The following ANAPC10 variants were observed in gnomAD, a reference collection of about 807,000 sequenced individuals.
ANAPC10 encodes anaphase promoting complex subunit 10.
ANAPC10 carries 12 observed loss-of-function variants against 22.0 expected under a neutral mutation model. That is an observed-to-expected ratio of 0.55 (90% CI 0.35 to 0.88). The LOEUF (loss-of-function observed/expected upper bound fraction) is 0.88. Among genes scored for constraint, ANAPC10 ranks in the 40% least tolerant of loss-of-function variants. The pLI is 0.01. For missense variants in ANAPC10, 188 were observed against 220.9 expected, an observed-to-expected ratio of 0.85 and a Z score of 0.94; for synonymous variants, 65 against 69.5, an observed-to-expected ratio of 0.94 and a Z score of 0.32.
intron 4 of ANAPC10, among the ~76,000 whole-genome samples, chr4:145,014,699 C>T (rs1394383261): frequency 4.6e-5 from 7 of 152,198 alleles, no homozygotes; most frequent in Non-Finnish European, 1.0e-4. Context: ...CCACTGCCAC[C>T]TCCACTGGAA....
chr4:145,006,340 AG>A (rs1733350631), intron 4 of ANAPC10, among the ~76,000 whole-genome samples: 1 of 152,152 alleles, frequency 6.6e-6, no homozygotes, highest in South Asian at 2.1e-4. Flanking sequence ...GCAAACATAA[AG>A]GGATTTGCTG....
intron 4 of ANAPC10, among the ~76,000 whole-genome samples, chr4:145,018,651 TA>T (rs201017904): frequency 5.4e-3 from 705 of 130,408 alleles, no homozygotes; most frequent in Non-Finnish European, 5.4e-3. Flanking sequence ...TCTCGAAATC[TA>T]AAAAAAAAAA....
In ANAPC10 at chr4:145,093,704, G is replaced by C. The variant is rs375562397; in HGVS notation, c.115+2281C>G. Among the ~76,000 whole-genome samples, 23 of 152,004 alleles carry C rather than the reference G, an allele frequency of 1.5e-4. 1 individual carries two copies. Among genetic ancestry groups the C allele is most frequent in the Admixed American group, 1.0e-3 (16 of 15,246 alleles). On this transcript the variant is annotated intron_variant, in intron 2 of 4. Transcript: ENST00000507656. ...AATATCACAGATGAAAAATTTCTTA[G>C]GCAGAATTATCAGTATATTCAATAA...
At chr4:145,016,131 A>G (rs954968606) in intron 4 of ANAPC10, among the ~76,000 whole-genome samples, 73 of 152,302 alleles carry the variant, frequency 4.8e-4, no homozygotes, top group Non-Finnish European at 8.8e-4. Flanking sequence ...GCAATCAGGC[A>G]GGAGAAAGAA....
rs1319025247 is a variant in ANAPC10 at position 145,066,646 on chromosome 4, A to G, written c.207-1954T>C. ...AAAGAATACTAAAAACACTAATGAT[A>G]ATAAACACAGTAACAGCAAAGAGCA... On this transcript the variant is annotated intron_variant, in intron 3 of 4. Coordinates refer to ENST00000507656, the MANE Select transcript of ANAPC10 (RefSeq NM_001256706.2). 3.3e-5 allele frequency among the ~76,000 whole-genome samples: 5 copies of G among 152,296 alleles called. No individual in the cohort carries two copies. In the South Asian group the frequency reaches 8.3e-4, roughly 25 times the overall value.
At chr4:145,018,442 T>G (rs1215801159) in intron 4 of ANAPC10, among the ~76,000 whole-genome samples, 1 of 151,884 alleles carries the variant, frequency 6.6e-6, no homozygotes, top group Non-Finnish European at 1.5e-5. Context: ...GAAACCAGCC[T>G]AACCAACATG....
chr4:145,084,624 T>C (rs1010494034), intron 2 of ANAPC10, among the ~76,000 whole-genome samples: 6 of 152,176 alleles, frequency 3.9e-5, no homozygotes, highest in Admixed American at 3.9e-4. Flanking sequence ...TTTACTAATT[T>C]GGTCTGCATT....
chr4:145,087,198 G>A (rs1747021564), intron 2 of ANAPC10, among the ~76,000 whole-genome samples: 1 of 152,128 alleles, frequency 6.6e-6, no homozygotes, highest in Non-Finnish European at 1.5e-5. Flanking sequence ...AGAGACTAGG[G>A]TTGTTCGTTA....
chr4:145,069,171 A>T (rs1167480552), intron 3 of ANAPC10, among the ~76,000 whole-genome samples: 1 of 152,220 alleles, frequency 6.6e-6, no homozygotes. Context: ...GCATCCAGAG[A>T]TGCTGAGCAA....
intron 4 of ANAPC10, among the ~76,000 whole-genome samples, chr4:145,054,012 G>T (rs900460126): frequency 1.3e-5 from 2 of 151,536 alleles, no homozygotes; most frequent in East Asian, 2.0e-4. Flanking sequence ...AGGTTCAAGC[G>T]ATTCTCCTGC....
intron 3 of ANAPC10, among the ~76,000 whole-genome samples, chr4:145,077,067 C>G (rs1745304787): frequency 6.6e-6 from 1 of 152,090 alleles, no homozygotes; most frequent in African/African-American, 2.4e-5. Flanking sequence ...GGCGTGGTGG[C>G]AGGCACCTGT....
chr4:145,087,670 T>G (rs1747091469), intron 2 of ANAPC10, among the ~76,000 whole-genome samples: 1 of 152,216 alleles, frequency 6.6e-6, no homozygotes, highest in South Asian at 2.1e-4. Flanking sequence ...AGTAGTTACC[T>G]CACTGCATGG....
At chr4:145,014,788 G>A (rs1734851877) in intron 4 of ANAPC10, among the ~76,000 whole-genome samples, 1 of 152,134 alleles carries the variant, frequency 6.6e-6, no homozygotes, top group South Asian at 2.1e-4. Flanking sequence ...CCCAGTACCA[G>A]TCCGGAGGCT....
chr4:145,093,443 A>T lies in ANAPC10; in HGVS notation c.115+2542T>A, dbSNP rs532740735. On this transcript the variant is annotated intron_variant, in intron 2 of 4. Coordinates refer to ENST00000507656, the MANE Select transcript of ANAPC10 (RefSeq NM_001256706.2). ...AATCTGCACATATTTGGCACTCAAT[A>T]AAAAAAAAAGACAAACAAAAAGAAA... is the stretch of plus-strand genomic sequence containing the variant. 7.4e-5 allele frequency among the ~76,000 whole-genome samples: 11 copies of T among 147,810 alleles called. No homozygotes were observed. In the East Asian group the frequency reaches 2.0e-3, roughly 26 times the overall value.
chr4:145,002,891 G>A (rs1376568985), intron 4 of ANAPC10, among the ~76,000 whole-genome samples: 1 of 24,604 alleles, frequency 4.1e-5, no homozygotes, highest in Non-Finnish European at 8.5e-5. Context: ...TAGGTTCAGA[G>A]GCACACGTGC....
At chr4:145,047,442 A>T (rs1740474607) in intron 4 of ANAPC10, among the ~76,000 whole-genome samples, 1 of 152,180 alleles carries the variant, frequency 6.6e-6, no homozygotes, top group Admixed American at 6.5e-5. Context: ...CTATAACTTC[A>T]GGTTAAATGG....
chr4:145,081,445 T>C, intron 3 of ANAPC10: 1 of 401,732 alleles, frequency 2.5e-6, no homozygotes, highest in Non-Finnish European at 4.4e-6. Flanking sequence ...AAAGGAACTA[T>C]GCAACATACC....
intron 4 of ANAPC10, among the ~76,000 whole-genome samples, chr4:144,998,875 C>A (rs200209460): frequency 6.6e-6 from 1 of 151,854 alleles, no homozygotes; most frequent in Non-Finnish European, 1.5e-5. Flanking sequence ...GCTAGCAACA[C>A]TAATAAAGAA....
chr4:145,055,033 A>G (rs1045877831), intron 4 of ANAPC10, among the ~76,000 whole-genome samples: 1 of 152,094 alleles, frequency 6.6e-6, no homozygotes, highest in Non-Finnish European at 1.5e-5. Flanking sequence ...TTAAATTTCT[A>G]AGGCAAAAAA....
Sources: gnomAD v4.1 joint callset for allele counts (sites outside exome capture counted in the v4.1 genomes callset) on GRCh38, gnomAD v4.1.1 for gene constraint, MANE v1.5 for transcripts, NCBI Gene and HGNC (gene_info 2026-07-23, HGNC 2026-07-21) for gene names.